Variants in SLC38A7 observed in about 807,000 individuals in gnomAD.
SLC38A7 encodes the protein sodium-coupled neutral amino acid transporter 7.
Under a neutral mutation model 50.1 loss-of-function variants are expected in SLC38A7, and 29 were observed. The observed-to-expected ratio is 0.58, with a 90% CI of 0.43 to 0.79. The LOEUF is 0.79. Among genes scored for constraint, SLC38A7 ranks in the 30% least tolerant of loss-of-function variants. The pLI is 0.00. For synonymous variants in SLC38A7, 244 were observed against 245.9 expected, an observed-to-expected ratio of 0.99 and a Z score of 0.07; for missense variants, 483 against 610.6, an observed-to-expected ratio of 0.79 and a Z score of 2.20.
Position 58,676,279 on chromosome 16 carries a change from G to A in SLC38A7, c.768+10C>T. On this transcript the variant is annotated intron_variant, in intron 7 of 11. Coordinates refer to ENST00000219320, the MANE Select transcript of SLC38A7 (RefSeq NM_018231.3). ...GGGGACAGCAGGGACCTTGCAACTG[G>A]CACTGGCACCTGAAATCCGAAGCAG... 2 of 1,614,140 alleles carry A rather than the reference G, an allele frequency of 1.2e-6. No individual in the cohort carries two copies. Among genetic ancestry groups the A allele is most frequent in the South Asian group, 2.2e-5 (2 of 91,088 alleles).
chr16:58,670,911 A>T, intron 10 of SLC38A7, 134 bp downstream of exon 10: 1 of 920,070 alleles, frequency 1.1e-6, no homozygotes, highest in Non-Finnish European at 1.7e-6. Context: ...GCTAGTACAG[A>T]GGCGAGACAG....
At chr16:58,683,043 T>C (rs1480168157) in intron 2 of SLC38A7, among the ~76,000 whole-genome samples, 1 of 151,412 alleles carries the variant, frequency 6.6e-6, no homozygotes, top group Admixed American at 6.6e-5. Context: ...ACGCCTGTCA[T>C]GTTTAAATTT....
Position 58,670,138 on chromosome 16 carries a change from C to CA in SLC38A7, c.1260dup (p.Glu421Ter). ...CTGGCTGGTTTGACCTCTTCCATCT[C>CA]AGAGAGTTTGGCTTGAATGAGGCAC... On this transcript the variant is annotated frameshift_variant, in exon 11 of 12. Transcript: ENST00000219320. LOFTEE classifies it high-confidence loss of function. 1 of 1,614,184 alleles carries CA rather than the reference C, an allele frequency of 6.2e-7. No homozygotes were observed. The highest frequency in any genetic ancestry group is 2.2e-5 in the East Asian group (1 of 44,884).
chr16:58,679,620 A>G (rs2044344247), intron 3 of SLC38A7: 1 of 562,756 alleles, frequency 1.8e-6, no homozygotes, highest in African/African-American at 1.9e-5. Context: ...TCAATGTTAC[A>G]CCTAAAAAAT....
chr16:58,677,482 C>T (rs1465598555), intron 5 of SLC38A7, 58 bp from the exon 6 acceptor site: 1 of 1,462,190 alleles, frequency 6.8e-7, no homozygotes, highest in Non-Finnish European at 9.6e-7. Context: ...TCTGATTCCA[C>T]CCCTAGGGAC....
At chr16:58,673,267 GC>G (rs1239972053) in intron 8 of SLC38A7, among the ~76,000 whole-genome samples, 2 of 141,254 alleles carry the variant, frequency 1.4e-5, no homozygotes, top group Admixed American at 1.4e-4. Flanking sequence ...ATGGAGTTTT[GC>G]TCTTTCACCC....
At position 58,676,298 on chromosome 16, in the gene SLC38A7, G is replaced by A. The variant is rs769215514; in HGVS notation, c.759C>T (p.Phe253=). The change falls in exon 7 of 12, where the codon TTC becomes TTT. Residue 253 remains phenylalanine (F), a synonymous_variant. Coordinates refer to ENST00000219320, the MANE Select transcript of SLC38A7 (RefSeq NM_018231.3). ...CAACTGGCACTGGCACCTGAAATCC[G>A]AAGCAGATGGTGGGCATGGCATTGA... ...AVFNAMPTIC[F]GFQCHVSSVP... The A allele has an allele frequency of 4.3e-6, 7 of 1,614,036 alleles. No homozygotes were observed. The highest frequency in any genetic ancestry group is 1.3e-5 in the African/African-American group (1 of 74,922).
intron 8 of SLC38A7, among the ~76,000 whole-genome samples, chr16:58,673,078 G>A (rs914480616): frequency 1.2e-4 from 15 of 128,144 alleles, no homozygotes; most frequent in African/African-American, 5.1e-4. Flanking sequence ...CACCATGCCC[G>A]GCTAATTTTT....
In SLC38A7 at chr16:58,678,810, C is replaced by T. The variant is rs1464912606; in HGVS notation, c.355G>A (p.Val119Ile). ...GTCAGCTTGCCACACACAGCCCATACCACCTCCTGGTAGGTCCTCTCATTG... is the reference window on the plus strand; with the variant it reads ...GTCAGCTTGCCACACACAGCCCATATCACCTCCTGGTAGGTCCTCTCATTG... ...ASNERTYQEV[V>I]WAVCGKLTGV... The change falls in exon 4 of 12, where the codon GTA (valine) becomes ATA (isoleucine). Residue 119 changes from valine (V) to isoleucine (I), a missense_variant. By Grantham distance (29) the Val-to-Ile change is conservative. Coordinates refer to ENST00000219320, the MANE Select transcript of SLC38A7 (RefSeq NM_018231.3). This position sits in a 1 kb window ranked among gnomAD's most constrained non-coding sequence, Gnocchi z 4.0. The T allele has an allele frequency of 6.2e-7, 1 of 1,614,236 alleles. No individual in the cohort carries two copies. Among genetic ancestry groups the T allele is most frequent in the Non-Finnish European group, 8.5e-7 (1 of 1,180,048 alleles).
At chr16:58,677,454 A>G (rs760861455) in intron 5 of SLC38A7, 30 bp from the exon 6 acceptor site, 2 of 1,597,604 alleles carry the variant, frequency 1.3e-6, no homozygotes, top group African/African-American at 2.7e-5. Context: ...AAGTGTCCTC[A>G]TCCCCAGCTG....
intron 8 of SLC38A7, among the ~76,000 whole-genome samples, chr16:58,674,444 AT>A (rs2044223664): frequency 6.6e-6 from 1 of 151,732 alleles, no homozygotes; most frequent in Non-Finnish European, 1.5e-5. Context: ...AACCTGGCTA[AT>A]TTTTAAATTT....
Position 58,672,151 on chromosome 16 carries a change from C to T in SLC38A7, c.976G>A (p.Ala326Thr). ...GTGAGCACGCTCAGGATGATGAAGG[C>T]TCGGGCAACGGCCACGGCCATGTCC... The part of the protein sequence containing the change: ...SEDMAVAVAR[A>T]FIILSVLTSY... The change falls in exon 9 of 12, where the codon GCC becomes ACC. Residue 326 changes from alanine (A) to threonine (T), a missense_variant. By Grantham distance (58) the Ala-to-Thr change is moderately conservative. Coordinates refer to ENST00000219320, the MANE Select transcript of SLC38A7 (RefSeq NM_018231.3). 2.6e-6 allele frequency: 4 copies of T among 1,563,840 alleles called. No individual in the cohort carries two copies. Among genetic ancestry groups the T allele is most frequent in the Non-Finnish European group, 3.5e-6 (4 of 1,154,202 alleles).
At chr16:58,675,811 A>T in intron 8 of SLC38A7, 129 bp downstream of exon 8, 1 of 696,616 alleles carries the variant, frequency 1.4e-6, no homozygotes, top group Non-Finnish European at 2.4e-6. Flanking sequence ...GCCAAGTTCA[A>T]GCCAATGCCT....
At chr16:58,672,283 G>C (rs1037234683) in intron 8 of SLC38A7, 40 bp from the exon 9 acceptor site, 3 of 1,553,486 alleles carry the variant, frequency 1.9e-6, no homozygotes, top group Middle Eastern at 1.7e-4. Context: ...ACCCTGGGAG[G>C]GTAGTGGGGT....
chr16:58,676,147 A>AG, intron 7 of SLC38A7, 93 bp from the exon 8 acceptor site: 1 of 1,541,884 alleles, frequency 6.5e-7, no homozygotes, highest in Non-Finnish European at 8.9e-7. Context: ...CCCAGGAACA[A>AG]GGGGCAAGTC....
rs756670638 is a variant in SLC38A7 at position 58,678,898 on chromosome 16, C to A, written c.271-4G>T. On this transcript the variant is annotated splice_polypyrimidine_tract_variant and splice_region_variant and intron_variant, in intron 3 of 11. Transcript: ENST00000219320. The surrounding 1 kb of genome is among the most constrained non-coding windows in gnomAD (Gnocchi z 4.0). ...TGATGATGAAAACCAGCATACCCTG[C>A]AGGCAGAGGCAGAACAAGAGCTTGT... The A allele has an allele frequency of 1.2e-6, 2 of 1,611,268 alleles. No homozygotes were observed. Among genetic ancestry groups the A allele is most frequent in the South Asian group, 1.1e-5 (1 of 91,048 alleles).
At chr16:58,668,129 C>T (rs2044078901) in intron 11 of SLC38A7, among the ~76,000 whole-genome samples, 2 of 151,894 alleles carry the variant, frequency 1.3e-5, no homozygotes, top group South Asian at 4.2e-4. Flanking sequence ...TGGCGAAACC[C>T]CATCTCTACT....
chr16:58,675,922 G>A lies in SLC38A7; in HGVS notation c.883+18C>T. The A allele has an allele frequency of 2.2e-6, 2 of 926,806 alleles. No homozygotes were observed. The highest frequency in any genetic ancestry group is 2.0e-5 in the South Asian group (1 of 50,690). 57.4% of individuals were successfully genotyped at this position (926,806 alleles called of 1,614,324 possible). A position where few individuals can be genotyped will look rare whatever the true frequency, so the allele number is the denominator to read the frequency against. ...GAGAGCACTCTAGTCCCAGGTCTTGGGGGGGGGGAGCACTCACCTGTCCCC... is the reference window on the plus strand; with the variant it reads ...GAGAGCACTCTAGTCCCAGGTCTTGAGGGGGGGGAGCACTCACCTGTCCCC... On this transcript the variant is annotated intron_variant, in intron 8 of 11. Transcript: ENST00000219320.
At chr16:58,674,110 C>T (rs1298158961) in intron 8 of SLC38A7, among the ~76,000 whole-genome samples, 1 of 152,154 alleles carries the variant, frequency 6.6e-6, no homozygotes, top group Non-Finnish European at 1.5e-5. Flanking sequence ...CAGGCGTGAG[C>T]CACCATGCCT....
Sources: gnomAD v4.1 joint callset for allele counts (sites outside exome capture counted in the v4.1 genomes callset) on GRCh38, gnomAD v4.1.1 for gene constraint, Gnocchi (gnomAD v3.1) non-coding constraint, MANE v1.5 for transcripts, NCBI Gene and HGNC (gene_info 2026-07-23, HGNC 2026-07-21) for gene names.